Variants in HS3ST1 observed in about 807,000 individuals in gnomAD.
HS3ST1 encodes the protein heparan sulfate glucosamine 3-O-sulfotransferase 1.
Under a neutral mutation model 20.7 loss-of-function variants are expected in HS3ST1, and 8 were observed. The observed-to-expected ratio is 0.39, with a 90% CI of 0.23 to 0.70. HS3ST1 has a LOEUF of 0.70. Ranked by LOEUF, HS3ST1 falls within the 30% of genes least tolerant of loss-of-function variation. The pLI, the probability that HS3ST1 is intolerant of heterozygous loss-of-function variation, is 0.46. For synonymous variants in HS3ST1, 205 were observed against 190.4 expected (o/e 1.08, Z -0.63); for missense variants, 436 against 423.4 (o/e 1.03, Z -0.26).
At chr4:11,427,898 C>G (rs1465138170) in intron 1 of HS3ST1, among the ~76,000 whole-genome samples, 1 of 152,202 alleles carries the variant, frequency 6.6e-6, no homozygotes, top group Non-Finnish European at 1.5e-5. Context: ...GGAGGAGCAG[C>G]GCGCCGTCCG....
In HS3ST1 at chr4:11,399,423, G is replaced by C. The variant is rs933824657; in HGVS notation, c.583C>G (p.Leu195Val). ...NVDYKALNRSLYHVHMQNWLR... is the reference protein window; with the variant it reads ...NVDYKALNRSVYHVHMQNWLR... ...CAGTTCTGCATGTGCACGTGGTAGA[G>C]GCTGCGGTTGAGGGCCTTGTAGTCC... The change falls in exon 2 of 2, where the codon CTC becomes GTC. Residue 195 changes from leucine to valine, a missense_variant. Transcript: ENST00000002596. The surrounding 1 kb of genome is among the most constrained non-coding windows in gnomAD (Gnocchi z 5.1). 2 of 1,614,010 alleles carry C rather than the reference G, an allele frequency of 1.2e-6. No homozygotes were observed. The highest frequency in any genetic ancestry group is 2.7e-5 in the African/African-American group (2 of 75,046).
At chr4:11,415,986 T>C (rs1718772051) in intron 1 of HS3ST1, among the ~76,000 whole-genome samples, 1 of 152,144 alleles carries the variant, frequency 6.6e-6, no homozygotes, top group East Asian at 1.9e-4. Flanking sequence ...CCAGTACGCC[T>C]GGAAGTGTAA....
At chr4:11,430,615 A>G (rs148594307), upstream of HS3ST1, among the ~76,000 whole-genome samples, 66 of 152,276 alleles carry the variant, frequency 4.3e-4, no homozygotes, top group East Asian at 8.9e-3. Context: ...CATAGTATGA[A>G]TTTCATTACC....
chr4:11,409,039 C>G (rs1718543930), intron 1 of HS3ST1, among the ~76,000 whole-genome samples: 1 of 152,228 alleles, frequency 6.6e-6, no homozygotes, highest in Non-Finnish European at 1.5e-5. Context: ...TCATCTTGTT[C>G]TGTCTTATCA....
chr4:11,403,585 C>T (rs932986198), intron 1 of HS3ST1, among the ~76,000 whole-genome samples: 3 of 152,092 alleles, frequency 2.0e-5, no homozygotes, highest in Non-Finnish European at 2.9e-5. Flanking sequence ...TACTGTCTTC[C>T]GAGTAAGTGG....
At chr4:11,421,347 C>G (rs1000094062) in intron 1 of HS3ST1, among the ~76,000 whole-genome samples, 5 of 150,264 alleles carry the variant, frequency 3.3e-5, no homozygotes, top group African/African-American at 1.2e-4. Context: ...AACCAACACC[C>G]TCCCCCTCCT....
rs529380232 is a variant in HS3ST1, at chr4:11,400,013, A to C, written c.-8T>G. ...CAGGAGCAGCGCGGCCATGCTGGAC[A>C]CCACGGTGGCTTCACTGGGCCGCGC... is the stretch of plus-strand genomic sequence containing the variant. On this transcript the variant is annotated 5_prime_UTR_variant, in exon 2 of 2. Transcript: ENST00000002596. The C allele has an allele frequency of 1.3e-5, 20 of 1,492,526 alleles. No homozygotes were observed. The East Asian group carries it at 4.7e-4, about 35-fold the overall frequency. 92.5% of individuals were successfully genotyped at this position (1,492,526 alleles called of 1,614,324 possible).
chr4:11,408,419 G>C (rs1718528226), intron 1 of HS3ST1, among the ~76,000 whole-genome samples: 1 of 152,142 alleles, frequency 6.6e-6, no homozygotes, highest in African/African-American at 2.4e-5. Flanking sequence ...ATGATGCAAA[G>C]TACTGCAGTG....
At chr4:11,418,974 G>A (rs1718856283) in intron 1 of HS3ST1, among the ~76,000 whole-genome samples, 3 of 152,126 alleles carry the variant, frequency 2.0e-5, no homozygotes, top group Admixed American at 2.0e-4. Context: ...AAGCTCTGCT[G>A]AGGCAGGGAG....
At chr4:11,404,573 C>T (rs1364042593) in intron 1 of HS3ST1, among the ~76,000 whole-genome samples, 1 of 152,196 alleles carries the variant, frequency 6.6e-6, no homozygotes, top group African/African-American at 2.4e-5. Flanking sequence ...AGATTCTCTA[C>T]GCACTCACAG....
chr4:11,395,381 G>A lies in HS3ST1; in HGVS notation c.*3701C>T, dbSNP rs555785535. The A allele has an allele frequency of 3.3e-5, 5 of 151,508 alleles. No homozygotes were observed. Among genetic ancestry groups the A allele is most frequent in the African/African-American group, 1.2e-4 (5 of 41,260 alleles). 9.4% of individuals were successfully genotyped at this position (151,508 alleles called of 1,614,324 possible). ...GTGATGTCAACATTTTCCATTTCTG[G>A]ACTATTTCCCTGGAGTGAGCAAGAA... On this transcript the variant is annotated 3_prime_UTR_variant, in exon 2 of 2. Coordinates refer to ENST00000002596, the MANE Select transcript of HS3ST1 (RefSeq NM_005114.4).
chr4:11,410,698 C>T (rs1045421950), intron 1 of HS3ST1, among the ~76,000 whole-genome samples: 2 of 152,078 alleles, frequency 1.3e-5, no homozygotes, highest in African/African-American at 2.4e-5. Context: ...TCAAGACCAG[C>T]CGGTCAAACA....
At chr4:11,432,174 G>C (rs1719218625), upstream of HS3ST1, among the ~76,000 whole-genome samples, 1 of 152,100 alleles carries the variant, frequency 6.6e-6, no homozygotes. Context: ...GGGAGAGAGA[G>C]AAAAAGAGAG....
chr4:11,423,021 CAAAAA>C (rs71181101), intron 1 of HS3ST1, among the ~76,000 whole-genome samples: 385 of 34,378 alleles, frequency 0.011, no homozygotes, highest in Non-Finnish European at 0.014. Context: ...GAGACACCGT[CAAAAA>C]AAAAAAAAAA....
chr4:11,418,977 G>A (rs1718856334), intron 1 of HS3ST1, among the ~76,000 whole-genome samples: 1 of 152,108 alleles, frequency 6.6e-6, no homozygotes, highest in South Asian at 2.1e-4. Context: ...CTCTGCTGAG[G>A]CAGGGAGAGG....
chr4:11,411,498 C>T (rs1312065796), intron 1 of HS3ST1, among the ~76,000 whole-genome samples: 4 of 152,158 alleles, frequency 2.6e-5, no homozygotes, highest in Admixed American at 6.6e-5. Context: ...CTAACTCAAG[C>T]TTTACTTTAA....
chr4:11,424,215 C>A (rs2108891160), intron 1 of HS3ST1, among the ~76,000 whole-genome samples: 1 of 152,202 alleles, frequency 6.6e-6, no homozygotes, highest in African/African-American at 2.4e-5. Flanking sequence ...GTTTGCGACC[C>A]CTGCTGGAAA....
At position 11,426,009 on chromosome 4, in the gene HS3ST1, G is replaced by A. The variant is rs183224603; in HGVS notation, c.-109+2690C>T. Reference sequence around the variant, plus strand: ...AAGTTACTGCATTTCCCTGGAAGCTGCTAAAAAGTTACCACTCTCCTGCAA... The same window carrying A: ...AAGTTACTGCATTTCCCTGGAAGCTACTAAAAAGTTACCACTCTCCTGCAA... On this transcript the variant is annotated intron_variant, in intron 1 of 1. Transcript: ENST00000002596. Among the ~76,000 whole-genome samples the A allele has an allele frequency of 2.0e-3, 304 of 152,288 alleles. 4 individuals carry two copies. Among genetic ancestry groups the A allele is most frequent in the African/African-American group, 7.1e-3 (297 of 41,564 alleles).
intron 1 of HS3ST1, among the ~76,000 whole-genome samples, chr4:11,402,235 T>C (rs1718345612): frequency 6.6e-6 from 1 of 152,178 alleles, no homozygotes; most frequent in Admixed American, 6.5e-5. Context: ...GAGCAAGTAA[T>C]CAAATAGATG....
Sources: gnomAD v4.1 joint callset for allele counts (sites outside exome capture counted in the v4.1 genomes callset) on GRCh38, gnomAD v4.1.1 for gene constraint, Gnocchi (gnomAD v3.1) non-coding constraint, MANE v1.5 for transcripts, NCBI Gene and HGNC (gene_info 2026-07-23, HGNC 2026-07-21) for gene names.